CAST: variants seen among roughly 807,000 people sequenced by gnomAD.
The protein encoded by CAST is calpastatin.
A neutral mutation model predicts 119.6 loss-of-function variants in CAST; 76 were observed. That is an observed-to-expected ratio of 0.64 (90% confidence interval 0.53 to 0.77). The LOEUF (loss-of-function observed/expected upper bound fraction) is 0.77, where lower values mean the gene tolerates loss of function less well. CAST is among the 30% of genes least tolerant of loss of function. The pLI, the probability that CAST is intolerant of heterozygous loss-of-function variation, is 0.00. For synonymous variants in CAST, 319 were observed against 331.6 expected (o/e 0.96, Z 0.41); for missense variants, 953 against 946.5 (o/e 1.01, Z -0.09).
the CAST span, among the ~76,000 whole-genome samples, chr5:96,458,428 C>T: frequency 2.6e-5 from 4 of 152,022 alleles, no homozygotes; most frequent in South Asian, 2.1e-4. Flanking sequence ...TTCATGAATC[C>T]GTAAAATTTA....
chr5:96,456,932 T>C, the CAST span, among the ~76,000 whole-genome samples: 4 of 152,176 alleles, frequency 2.6e-5, no homozygotes, highest in Admixed American at 2.6e-4. Context: ...CTTCCTACCA[T>C]TGTGTGAAGA....
the CAST span, among the ~76,000 whole-genome samples, chr5:96,403,611 G>T: frequency 6.6e-6 from 1 of 152,164 alleles, no homozygotes; most frequent in Non-Finnish European, 1.5e-5. Flanking sequence ...GCTAATCAAA[G>T]ATATGTTTAC....
intron 6 of CAST, 64 bp from the exon 7 acceptor site, chr5:96,729,086 GTTC>G: frequency 1.0e-6 from 1 of 1,004,528 alleles, no homozygotes; most frequent in Non-Finnish European, 1.5e-6. Context: ...TTTTGTTCTT[GTTC>G]TTGTTTGAAA....
chr5:96,414,378 G>A, the CAST span, among the ~76,000 whole-genome samples: 1 of 151,688 alleles, frequency 6.6e-6, no homozygotes, highest in Non-Finnish European at 1.5e-5. Context: ...TTTATAAATG[G>A]AGAGATTGAG....
chr5:96,582,239 C>G (rs1746783082), intron 1 of CAST, among the ~76,000 whole-genome samples: 1 of 152,116 alleles, frequency 6.6e-6, no homozygotes, highest in Non-Finnish European at 1.5e-5. Context: ...ATCTGCTCTC[C>G]TCATTTTAGA....
At position 96,729,655 on chromosome 5, in the gene CAST, A is replaced by T. The variant is rs143562077; in HGVS notation, c.479A>T (p.Asp160Val). 681 of 1,603,814 alleles carry T rather than the reference A, an allele frequency of 4.2e-4. 2 individuals carry two copies. Among genetic ancestry groups the T allele is most frequent in the Admixed American group, 2.2e-3 (133 of 59,998 alleles). The change falls in exon 8 of 32, where the codon GAT becomes GTT. Residue 160 changes from aspartate to valine, a missense_variant. Transcript: ENST00000675179. Reference sequence around the variant, plus strand: ...CAGGCATCAGATACAGGAAGTAACGATGCTCACAATAAAAAAGCAGTTTCC... The same window carrying T: ...CAGGCATCAGATACAGGAAGTAACGTTGCTCACAATAAAAAAGCAGTTTCC... ...PKQASDTGSNDAHNKKAVSRS... is the reference protein window; with the variant it reads ...PKQASDTGSNVAHNKKAVSRS...
intron 1 of CAST, among the ~76,000 whole-genome samples, chr5:96,675,275 C>T (rs764263317): frequency 1.3e-5 from 2 of 152,126 alleles, no homozygotes; most frequent in Admixed American, 6.5e-5. Context: ...AGGCATTTTG[C>T]AGGAGACAAG....
chr5:95,999,042 T>C, the CAST span, among the ~76,000 whole-genome samples: 1 of 151,622 alleles, frequency 6.6e-6, no homozygotes, highest in African/African-American at 2.4e-5. Context: ...GCTGTTTGTA[T>C]GTCTTTTTTG....
At position 96,588,196 on chromosome 5, in the gene CAST, C is replaced by CTTTTTTTTTTTTTTTTTTTTTTTT. The variant is rs140665192; in HGVS notation, c.60+58317_60+58340dup. ...TATTATTTTCTTTCTTTCTTTCTTTCTTTTTTTTTTTTTTTTTTTTTTTTG... is the reference window on the plus strand; with the variant it reads ...TATTATTTTCTTTCTTTCTTTCTTTCTTTTTTTTTTTTTTTTTTTTTTTTTTTTTTTTTTTTTTTTTTTTTTTTG... On this transcript the variant is annotated intron_variant, in intron 1 of 11. Transcript: ENST00000505143. Among the ~76,000 whole-genome samples, 4 of 75,828 alleles carry CTTTTTTTTTTTTTTTTTTTTTTTT rather than the reference C, an allele frequency of 5.3e-5. 1 individual carries two copies. The highest frequency in any genetic ancestry group is 1.2e-4 in the African/African-American group (2 of 16,020). 49.7% of individuals were successfully genotyped at this position (75,828 alleles called of 152,430 possible).
the CAST span, chr5:95,962,118 T>C: frequency 1.6e-5 from 6 of 369,522 alleles, no homozygotes; most frequent in East Asian, 2.4e-4. Flanking sequence ...CCGGCCGAGA[T>C]TGGCCAGGCT....
chr5:96,301,793 A>G, the CAST span, among the ~76,000 whole-genome samples: 1 of 152,198 alleles, frequency 6.6e-6, no homozygotes, highest in Non-Finnish European at 1.5e-5. Context: ...CCTGCAGTGT[A>G]CAGCCCCTGT....
At chr5:96,662,519 G>A in intron 1 of CAST, 22 bp downstream of exon 1, 1 of 1,359,312 alleles carries the variant, frequency 7.4e-7, no homozygotes, top group Non-Finnish European at 9.4e-7. Context: ...TCCTGTCGGC[G>A]TCGCGGGGCT....
the CAST span, among the ~76,000 whole-genome samples, chr5:96,368,357 G>C: frequency 1.3e-5 from 2 of 151,742 alleles, no homozygotes; most frequent in African/African-American, 4.8e-5. Flanking sequence ...AAAATTAGCC[G>C]GGCATGGTGA....
At chr5:96,759,377 A>C (rs1297626984) in intron 24 of CAST, among the ~76,000 whole-genome samples, 1 of 152,192 alleles carries the variant, frequency 6.6e-6, no homozygotes, top group Non-Finnish European at 1.5e-5. Context: ...TACTGAGATC[A>C]CATTGATAAT....
At chr5:96,108,697 C>G in the CAST span, among the ~76,000 whole-genome samples, 2 of 152,236 alleles carry the variant, frequency 1.3e-5, no homozygotes, top group Non-Finnish European at 2.9e-5. Flanking sequence ...GCCCTGCCCC[C>G]AGAGGTGGAG....
At chr5:96,296,602 A>G in the CAST span, among the ~76,000 whole-genome samples, 10 of 152,232 alleles carry the variant, frequency 6.6e-5, no homozygotes, top group African/African-American at 2.4e-4. Flanking sequence ...CAACCTGAAG[A>G]GTGAATCTAT....
chr5:96,560,450 C>G (rs1343247642), intron 1 of CAST, among the ~76,000 whole-genome samples: 1 of 151,846 alleles, frequency 6.6e-6, no homozygotes, highest in Non-Finnish European at 1.5e-5. Flanking sequence ...TTTTTGCAAT[C>G]TACTCATCTG....
intron 1 of CAST, among the ~76,000 whole-genome samples, chr5:96,531,985 G>T (rs1032415946): frequency 1.3e-5 from 2 of 152,178 alleles, no homozygotes; most frequent in Non-Finnish European, 2.9e-5. Context: ...AGGCGTAGTG[G>T]CATGCACCTG....
rs1298782429 is a variant in CAST, at chr5:96,741,545, G to T, written c.1063G>T (p.Ala355Ser). ...GTCAGCAGGGACAGTCAGAAGTGCT[G>T]CTCCACCCCAAGAGAAGAAAAGAAA... ...AQSAGTVRSAAPPQEKKRKVE... is the reference protein window; with the variant it reads ...AQSAGTVRSASPPQEKKRKVE... The change falls in exon 15 of 32, where the codon GCT becomes TCT. Residue 355 changes from alanine (A) to serine (S), a missense_variant. Coordinates refer to ENST00000675179, the MANE Select transcript of CAST (RefSeq NM_001750.7). 3 of 1,613,678 alleles carry T rather than the reference G, an allele frequency of 1.9e-6. No homozygotes were observed. The Admixed American group carries it at 5.0e-5, about 27-fold the overall frequency.
Sources: gnomAD v4.1 joint callset for allele counts (sites outside exome capture counted in the v4.1 genomes callset) on GRCh38, gnomAD v4.1.1 for gene constraint, MANE v1.5 for transcripts, NCBI Gene and HGNC (gene_info 2026-07-23, HGNC 2026-07-21) for gene names.